Variants in PLA2R1 observed in about 807,000 individuals in gnomAD.
PLA2R1 encodes phospholipase A2 receptor 1.
PLA2R1 carries 158 observed loss-of-function variants against 195.9 expected under a neutral mutation model. The ratio of observed to expected loss-of-function variants is 0.81; its 90% CI spans 0.71 to 0.92. The LOEUF (loss-of-function observed/expected upper bound fraction) is 0.92, where lower values mean the gene tolerates loss of function less well. Among genes scored for constraint, PLA2R1 ranks in the 40% least tolerant of loss-of-function variants. The pLI is 0.00. For missense variants in PLA2R1, 1,626 were observed against 1,764.6 expected, an observed-to-expected ratio of 0.92 and a Z score of 1.41; for synonymous variants, 586 against 598.2, an observed-to-expected ratio of 0.98 and a Z score of 0.30.
Position 159,941,677 on chromosome 2 carries a change from A to G in PLA2R1, c.*101T>C. The G allele has an allele frequency of 1.6e-6, 1 of 640,926 alleles. No individual in the cohort carries two copies. Among genetic ancestry groups the G allele is most frequent in the South Asian group, 2.0e-5 (1 of 50,424 alleles). 39.7% of individuals were successfully genotyped at this position (640,926 alleles called of 1,614,324 possible). The stretch of plus-strand genomic sequence containing the variant: ...AATAATTAAAATAGTGACCCAATTC[A>G]CATTCTAATGGCATCTGTGCTGTAA... On this transcript the variant is annotated 3_prime_UTR_variant, in exon 30 of 30. Coordinates refer to ENST00000283243, the MANE Select transcript of PLA2R1 (RefSeq NM_007366.5).
intron 1 of PLA2R1, among the ~76,000 whole-genome samples, chr2:160,055,603 C>T (rs1397827047): frequency 6.6e-6 from 1 of 152,170 alleles, no homozygotes; most frequent in East Asian, 1.9e-4. Flanking sequence ...CAGAATGAAC[C>T]ACACCATGGG....
Position 159,967,654 on chromosome 2 carries a change from G to C in PLA2R1, c.2789C>G (p.Ser930Ter), listed in dbSNP as rs1257842377. 2 of 1,613,642 alleles carry C rather than the reference G, an allele frequency of 1.2e-6. No individual in the cohort carries two copies. Among genetic ancestry groups the C allele is most frequent in the South Asian group, 1.1e-5 (1 of 91,044 alleles). Reference protein sequence around the residue: ...ITGLWGSEECSVSMPSICKRK... With the variant: ...ITGLWGSEEC ...CTTACAGATACTAGGCATAGAAACTGAACACTCTTCACTACCCCAGAGTCC... is the reference window on the plus strand; with the variant it reads ...CTTACAGATACTAGGCATAGAAACTCAACACTCTTCACTACCCCAGAGTCC... Residue 930 changes from serine (S) to a stop codon, truncating the protein, a stop_gained, in exon 20 of 30, where the codon TCA becomes TGA. Transcript: ENST00000283243. LOFTEE classifies it high-confidence loss of function.
At chr2:160,010,288 A>C (rs1692276041) in intron 10 of PLA2R1, among the ~76,000 whole-genome samples, 1 of 152,210 alleles carries the variant, frequency 6.6e-6, no homozygotes, top group African/African-American at 2.4e-5. Context: ...ATAATTTTGG[A>C]ACTCAACTTT....
intron 1 of PLA2R1, among the ~76,000 whole-genome samples, chr2:160,054,969 G>C (rs1026717133): frequency 3.3e-5 from 5 of 152,100 alleles, no homozygotes; most frequent in African/African-American, 1.2e-4. Context: ...CAACACAAGG[G>C]GACCGTTTCT....
At chr2:159,982,949 T>C (rs1690062181) in intron 13 of PLA2R1, among the ~76,000 whole-genome samples, 1 of 152,180 alleles carries the variant, frequency 6.6e-6, no homozygotes, top group Admixed American at 6.5e-5. Flanking sequence ...TATTGAATTA[T>C]CCAACCAGCT....
chr2:159,925,164 A>G, the PLA2R1 span, among the ~76,000 whole-genome samples: 2 of 150,220 alleles, frequency 1.3e-5, no homozygotes, highest in African/African-American at 4.9e-5. Flanking sequence ...CAATGGTGCT[A>G]ACTCTTATTT....
At chr2:160,044,056 G>C (rs1281856982) in intron 2 of PLA2R1, among the ~76,000 whole-genome samples, 1 of 147,178 alleles carries the variant, frequency 6.8e-6, no homozygotes, top group African/African-American at 2.7e-5. Flanking sequence ...TGGATGGATG[G>C]ATAGATAGAT....
intron 12 of PLA2R1, among the ~76,000 whole-genome samples, chr2:159,984,897 A>T (rs1690217864): frequency 6.6e-6 from 1 of 152,184 alleles, no homozygotes; most frequent in African/African-American, 2.4e-5. Flanking sequence ...TTACTTGCTG[A>T]GACCAGAATG....
At position 160,007,993 on chromosome 2, in the gene PLA2R1, C is replaced by T. The variant is rs940517541; in HGVS notation, c.1665-2172G>A. Among the ~76,000 whole-genome samples the T allele has an allele frequency of 2.0e-5, 3 of 152,198 alleles. No homozygotes were observed. In the South Asian group the frequency reaches 6.2e-4, roughly 31 times the overall value. On this transcript the variant is annotated intron_variant, in intron 10 of 29. Transcript: ENST00000283243. ...CACTTTTTGATTTCCAAACTTACTA[C>T]AAAGCTACAGTAATCAAGACAGTGT...
At chr2:159,991,612 C>A (rs376601060) in intron 11 of PLA2R1, among the ~76,000 whole-genome samples, 3 of 110,780 alleles carry the variant, frequency 2.7e-5, no homozygotes, top group East Asian at 3.2e-4. Flanking sequence ...ATCCCTCCCC[C>A]CTCCCCCCAC....
chr2:160,036,475 C>T (rs1374292258), intron 3 of PLA2R1, among the ~76,000 whole-genome samples: 4 of 152,154 alleles, frequency 2.6e-5, no homozygotes, highest in Non-Finnish European at 5.9e-5. Flanking sequence ...GCTGCCCCTA[C>T]CCCAGACTTG....
chr2:159,975,239 G>T (rs571747628), intron 17 of PLA2R1, among the ~76,000 whole-genome samples: 3 of 152,198 alleles, frequency 2.0e-5, no homozygotes, highest in Non-Finnish European at 4.4e-5. Flanking sequence ...ATGTTTTAAA[G>T]TATATATATC....
chr2:160,062,278 G>A lies in PLA2R1; in HGVS notation c.109+17C>T. On this transcript the variant is annotated intron_variant, in intron 1 of 29. Transcript: ENST00000283243. The stretch of plus-strand genomic sequence containing the variant: ...TCCCCAACGTACCGATCCAGTCCCC[G>A]ACCCTGGGAGACTCACCCTGCCACT... 3.3e-6 allele frequency: 3 copies of A among 907,022 alleles called. No homozygotes were observed. The highest frequency in any genetic ancestry group is 4.3e-5 in the East Asian group (1 of 23,030). The allele number at this position is 907,022 out of a possible 1,614,324, so 56.2% of individuals were successfully genotyped here. A position where few individuals can be genotyped will look rare whatever the true frequency, so the allele number is the denominator to read the frequency against.
intron 1 of PLA2R1, among the ~76,000 whole-genome samples, chr2:160,052,965 T>TA (rs775375429): frequency 2.6e-5 from 4 of 152,202 alleles, no homozygotes; most frequent in Non-Finnish European, 4.4e-5. Context: ...TAGTGGTAGA[T>TA]AGAGTGTTAG....
rs79697849 is a variant in PLA2R1, at chr2:160,007,753, A to G, written c.1665-1932T>C. ...AGGAAATTAAAGAAGCCACAGAGAA[A>G]TGGAAATAAATCCCGTGTTCATGCC... On this transcript the variant is annotated intron_variant, in intron 10 of 29. Transcript: ENST00000283243. 3.7e-3 allele frequency among the ~76,000 whole-genome samples: 569 copies of G among 152,348 alleles called. 1 individual carries two copies. The highest frequency in any genetic ancestry group is 0.013 in the African/African-American group (539 of 41,580).
In PLA2R1 at chr2:159,984,087, G is replaced by T. The variant is rs188977714; in HGVS notation, c.2038-14C>A. The T allele has an allele frequency of 7.7e-6, 10 of 1,291,066 alleles. No homozygotes were observed. The East Asian group carries it at 1.2e-4, about 15-fold the overall frequency. The allele number at this position is 1,291,066 out of a possible 1,614,324, so 80.0% of individuals were successfully genotyped here. ...ACTATGAAATACCTGTATAGTAAAA[G>T]AAAATAAATTAACATTGTTATAGAT... On this transcript the variant is annotated splice_polypyrimidine_tract_variant and intron_variant, in intron 12 of 29. Transcript: ENST00000283243.
chr2:160,059,823 C>G (rs1695831172), intron 1 of PLA2R1, among the ~76,000 whole-genome samples: 1 of 152,078 alleles, frequency 6.6e-6, no homozygotes, highest in Admixed American at 6.5e-5. Flanking sequence ...AGCAGAAACC[C>G]TTAATAAACC....
intron 7 of PLA2R1, 124 bp downstream of exon 7, chr2:160,022,541 C>A (rs981770063): frequency 7.4e-5 from 35 of 470,680 alleles, no homozygotes; most frequent in African/African-American, 6.4e-4. Context: ...CATTTAGAAA[C>A]TTTAAATATA....
intron 3 of PLA2R1, among the ~76,000 whole-genome samples, chr2:160,040,757 T>C (rs570198277): frequency 6.6e-6 from 1 of 152,232 alleles, no homozygotes; most frequent in Non-Finnish European, 1.5e-5. Flanking sequence ...TAGTGCTTGT[T>C]GACTTACAGC....
Sources: allele counts gnomAD v4.1 joint callset (sites outside exome capture counted in the v4.1 genomes callset), GRCh38; gene constraint gnomAD v4.1.1; transcripts MANE v1.5; gene names NCBI Gene and HGNC (gene_info 2026-07-23, HGNC 2026-07-21).